The following FIGN variants were observed in gnomAD, a reference collection of about 807,000 sequenced individuals.
FIGN encodes fidgetin.
In FIGN, 11 loss-of-function variants were observed where a neutral mutation model predicts 51.3. The observed-to-expected ratio is 0.21, with a 90% confidence interval of 0.13 to 0.35. The LOEUF (loss-of-function observed/expected upper bound fraction) is 0.35. Among genes scored for constraint, FIGN ranks in the 10% least tolerant of loss-of-function variants. FIGN has a pLI of 1.00. For synonymous variants in FIGN, 407 were observed against 363.2 expected (o/e 1.12, Z -1.37); for missense variants, 857 against 943.6 (o/e 0.91, Z 1.20).
intron 2 of FIGN, among the ~76,000 whole-genome samples, chr2:163,729,419 C>T (rs1320779738): frequency 6.6e-6 from 1 of 151,778 alleles, no homozygotes; most frequent in Non-Finnish European, 1.5e-5. Flanking sequence ...TAAAAGAAAA[C>T]ATTTTATAGG....
chr2:163,685,561 G>C (rs1008320908), intron 2 of FIGN, among the ~76,000 whole-genome samples: 3 of 152,176 alleles, frequency 2.0e-5, no homozygotes, highest in African/African-American at 7.2e-5. Context: ...CCTTGGTAGA[G>C]GCTCATGATT....
chr2:163,681,015 T>C (rs1684054223), intron 2 of FIGN, among the ~76,000 whole-genome samples: 1 of 152,204 alleles, frequency 6.6e-6, no homozygotes, highest in Non-Finnish European at 1.5e-5. Flanking sequence ...CCTTAAGCAA[T>C]AGTGCTGTTA....
intron 2 of FIGN, among the ~76,000 whole-genome samples, chr2:163,712,628 T>G (rs1684603581): frequency 6.6e-6 from 1 of 152,170 alleles, no homozygotes; most frequent in South Asian, 2.1e-4. Context: ...TGAGTTCAAA[T>G]GCTTGGTTAT....
At position 163,604,330 on chromosome 2, in the gene FIGN, A is replaced by G. The variant is rs1691037654; in HGVS notation, c.*5222T>C. Reference sequence around the variant, plus strand: ...CTCAGAGATGGGCACATAGGAATAAAGCTCTATTCTGTATATAATGTCCCA... The same window carrying G: ...CTCAGAGATGGGCACATAGGAATAAGGCTCTATTCTGTATATAATGTCCCA... On this transcript the variant is annotated 3_prime_UTR_variant, in exon 3 of 3. Coordinates refer to ENST00000333129, the MANE Select transcript of FIGN (RefSeq NM_018086.4). 6.6e-6 allele frequency: 1 copy of G among 152,120 alleles called. No homozygotes were observed. The highest frequency in any genetic ancestry group is 6.6e-5 in the Admixed American group (1 of 15,236). The allele number at this position is 152,120 out of a possible 1,614,324, so 9.4% of individuals were successfully genotyped here.
chr2:163,706,094 C>A (rs931737688), intron 2 of FIGN, among the ~76,000 whole-genome samples: 2 of 152,116 alleles, frequency 1.3e-5, no homozygotes, highest in South Asian at 4.1e-4. Context: ...AAGCTCTATT[C>A]GTATTGCATA....
chr2:163,723,902 G>A (rs1450014379), intron 2 of FIGN, among the ~76,000 whole-genome samples: 1 of 152,156 alleles, frequency 6.6e-6, no homozygotes, highest in African/African-American at 2.4e-5. Context: ...GCTTAACAAA[G>A]TAATAAATGG....
At chr2:163,708,650 T>C (rs974757) in intron 2 of FIGN, among the ~76,000 whole-genome samples, 151,900 of 152,294 alleles carry the variant, frequency 1, 75,765 homozygotes, top group Middle Eastern at 1. Context: ...AAGTTTCAAA[T>C]GCTTATAATA....
intron 2 of FIGN, among the ~76,000 whole-genome samples, chr2:163,629,812 G>A (rs998509171): frequency 6.6e-6 from 1 of 151,958 alleles, no homozygotes; most frequent in African/African-American, 2.4e-5. Flanking sequence ...AGAAATAGTG[G>A]AAAGGGATAA....
chr2:163,697,325 T>C (rs1573957335), intron 2 of FIGN, among the ~76,000 whole-genome samples: 1 of 152,060 alleles, frequency 6.6e-6, no homozygotes, highest in East Asian at 1.9e-4. Flanking sequence ...GGTCTTGAAC[T>C]CTTGGCCTCA....
At chr2:163,644,573 T>G (rs1683354054) in intron 2 of FIGN, among the ~76,000 whole-genome samples, 1 of 152,182 alleles carries the variant, frequency 6.6e-6, no homozygotes, top group African/African-American at 2.4e-5. Flanking sequence ...GCATTTTCAC[T>G]CTTACGGATA....
intron 2 of FIGN, among the ~76,000 whole-genome samples, chr2:163,732,481 T>A (rs1573979616): frequency 6.6e-6 from 1 of 152,186 alleles, no homozygotes; most frequent in African/African-American, 2.4e-5. Flanking sequence ...TCCAAAATAA[T>A]CTTTCAAAAT....
At chr2:163,702,986 G>A (rs2105351699) in intron 2 of FIGN, among the ~76,000 whole-genome samples, 1 of 149,842 alleles carries the variant, frequency 6.7e-6, no homozygotes, top group East Asian at 2.0e-4. Context: ...CCCTGAACAG[G>A]TTGAGCAAGG....
intron 2 of FIGN, among the ~76,000 whole-genome samples, chr2:163,702,614 C>T (rs1454100946): frequency 1.3e-5 from 2 of 151,980 alleles, no homozygotes; most frequent in Non-Finnish European, 2.9e-5. Context: ...AGAAAAAAGT[C>T]CCTGTAACGT....
chr2:163,671,346 T>G (rs1440348216), intron 2 of FIGN, among the ~76,000 whole-genome samples: 1 of 152,188 alleles, frequency 6.6e-6, no homozygotes, highest in South Asian at 2.1e-4. Context: ...GAAGAGATCA[T>G]GCAGAAGAAT....
intron 2 of FIGN, among the ~76,000 whole-genome samples, chr2:163,651,891 T>C (rs1683483546): frequency 6.6e-6 from 1 of 152,224 alleles, no homozygotes; most frequent in South Asian, 2.1e-4. Flanking sequence ...TAAATGCCAA[T>C]TTTAAAGGAC....
chr2:163,614,251 T>A (rs549280523), intron 2 of FIGN, among the ~76,000 whole-genome samples: 37 of 152,154 alleles, frequency 2.4e-4, no homozygotes, highest in African/African-American at 7.9e-4. Flanking sequence ...GAAACCACAC[T>A]TAAAGGGGAA....
chr2:163,665,374 G>A (rs980736289), intron 2 of FIGN, among the ~76,000 whole-genome samples: 1 of 152,214 alleles, frequency 6.6e-6, no homozygotes, highest in African/African-American at 2.4e-5. Context: ...AAACATTCTT[G>A]AAGATATTAC....
chr2:163,641,633 C>A (rs1285761522), intron 2 of FIGN, among the ~76,000 whole-genome samples: 7 of 152,186 alleles, frequency 4.6e-5, no homozygotes, highest in Admixed American at 4.6e-4. Flanking sequence ...GTTAAAGATA[C>A]TCCTTCAGAG....
chr2:163,702,935 ATGTTTT>A (rs1391672333), intron 2 of FIGN, among the ~76,000 whole-genome samples: 1 of 151,798 alleles, frequency 6.6e-6, no homozygotes, highest in African/African-American at 2.4e-5. Flanking sequence ...CCTTAATTTT[ATGTTTT>A]CCTTTGCCCC....
Sources: allele counts gnomAD v4.1 joint callset (sites outside exome capture counted in the v4.1 genomes callset), GRCh38; gene constraint gnomAD v4.1.1; transcripts MANE v1.5; gene names NCBI Gene and HGNC (gene_info 2026-07-23, HGNC 2026-07-21).